KLF12: variants seen among roughly 807,000 people sequenced by gnomAD.
The protein encoded by KLF12 is Krueppel-like factor 12.
A neutral mutation model predicts 37.8 loss-of-function variants in KLF12; 9 were observed. That is an observed-to-expected ratio of 0.24 (90% CI 0.14 to 0.42). The LOEUF (loss-of-function observed/expected upper bound fraction) is 0.42, where lower values mean the gene tolerates loss of function less well. Among genes scored for constraint, KLF12 ranks in the 10% least tolerant of loss-of-function variants. KLF12 has a pLI of 1.00. For synonymous variants in KLF12, 208 were observed against 202.1 expected (o/e 1.03, Z -0.25); for missense variants, 411 against 516.0 (o/e 0.80, Z 1.97).
At chr13:74,248,955 A>G in the KLF12 span, among the ~76,000 whole-genome samples, 1 of 152,160 alleles carries the variant, frequency 6.6e-6, no homozygotes, top group African/African-American at 2.4e-5. Context: ...ATGGACAGTC[A>G]GTCTTGGGAG....
At chr13:74,247,173 T>G in the KLF12 span, among the ~76,000 whole-genome samples, 1 of 152,198 alleles carries the variant, frequency 6.6e-6, no homozygotes, top group East Asian at 1.9e-4. Flanking sequence ...ATATCTTGTT[T>G]CTTACATTGC....
At chr13:73,881,185 CA>C (rs1886962750) in intron 3 of KLF12, among the ~76,000 whole-genome samples, 2 of 151,876 alleles carry the variant, frequency 1.3e-5, no homozygotes, top group Admixed American at 1.3e-4. Context: ...ATATATAAAC[CA>C]TTATTTATAA....
chr13:73,774,301 C>CATATAT (rs1566358780), intron 5 of KLF12, among the ~76,000 whole-genome samples: 32 of 134,608 alleles, frequency 2.4e-4, no homozygotes, highest in African/African-American at 9.2e-4. Flanking sequence ...CACACACACA[C>CATATAT]ATCTATATAT....
At chr13:73,859,523 G>A (rs547728637) in intron 3 of KLF12, among the ~76,000 whole-genome samples, 3 of 152,242 alleles carry the variant, frequency 2.0e-5, no homozygotes, top group African/African-American at 7.2e-5. Flanking sequence ...AATACCAACT[G>A]AAGAGAATAT....
chr13:74,035,462 C>T (rs1893223093), intron 1 of KLF12, among the ~76,000 whole-genome samples: 2 of 152,080 alleles, frequency 1.3e-5, no homozygotes. Context: ...GAGCTGGCAT[C>T]CAAATAGGTG....
intron 1 of KLF12, among the ~76,000 whole-genome samples, chr13:74,126,735 CA>C (rs1877963529): frequency 6.6e-6 from 1 of 152,110 alleles, no homozygotes; most frequent in African/African-American, 2.4e-5. Flanking sequence ...GACAGCAACA[CA>C]AACAGCCCAA....
chr13:73,999,919 T>C (rs1275994558), intron 1 of KLF12, among the ~76,000 whole-genome samples: 1 of 152,166 alleles, frequency 6.6e-6, no homozygotes, highest in African/African-American at 2.4e-5. Context: ...TGTGATGCCA[T>C]CATGGAAAAG....
chr13:74,105,520 T>C (rs769392269), intron 1 of KLF12, among the ~76,000 whole-genome samples: 14 of 151,872 alleles, frequency 9.2e-5, no homozygotes, highest in African/African-American at 9.7e-5. Context: ...ACAACAACAA[T>C]AATAATAATA....
intron 5 of KLF12, among the ~76,000 whole-genome samples, chr13:73,803,335 C>A (rs545562650): frequency 6.6e-6 from 1 of 152,290 alleles, no homozygotes; most frequent in South Asian, 2.1e-4. Context: ...AGGGCCTCTG[C>A]ACTTGTTATT....
intron 3 of KLF12, among the ~76,000 whole-genome samples, chr13:73,907,578 T>C (rs753017914): frequency 3.3e-5 from 5 of 152,220 alleles, no homozygotes; most frequent in African/African-American, 4.8e-5. Context: ...AAGATCCTTA[T>C]AGGCCACCTA....
chr13:73,870,625 T>A (rs1032293957), intron 3 of KLF12, among the ~76,000 whole-genome samples: 14 of 152,230 alleles, frequency 9.2e-5, no homozygotes, highest in African/African-American at 3.4e-4. Context: ...CATTCAGCTT[T>A]ATGATATCCA....
chr13:74,198,649 AT>A, the KLF12 span, among the ~76,000 whole-genome samples: 4 of 152,122 alleles, frequency 2.6e-5, no homozygotes, highest in African/African-American at 9.7e-5. Context: ...TGTTTCTAGT[AT>A]TTTTTATTGT....
At chr13:73,782,794 G>C (rs1396628321) in intron 5 of KLF12, among the ~76,000 whole-genome samples, 1 of 152,222 alleles carries the variant, frequency 6.6e-6, no homozygotes, top group Non-Finnish European at 1.5e-5. Context: ...TTGTGTATCA[G>C]ATGAGTGGCT....
chr13:73,984,619 T>C (rs560085428), intron 2 of KLF12, among the ~76,000 whole-genome samples: 21 of 152,316 alleles, frequency 1.4e-4, no homozygotes, highest in Middle Eastern at 3.4e-3. Context: ...GCGCCAAATA[T>C]ATAGAAGCAA....
At chr13:73,916,196 A>G (rs1593720547) in intron 3 of KLF12, among the ~76,000 whole-genome samples, 1 of 147,858 alleles carries the variant, frequency 6.8e-6, no homozygotes, top group Admixed American at 6.8e-5. Context: ...AACTTGGGGA[A>G]GAGCTAATAC....
At chr13:73,711,347 T>C (rs186717247) in intron 7 of KLF12, among the ~76,000 whole-genome samples, 69 of 152,354 alleles carry the variant, frequency 4.5e-4, no homozygotes, top group Middle Eastern at 3.4e-3. Flanking sequence ...AAAGATGTCA[T>C]GTAGGACTTT....
At chr13:74,021,143 A>G (rs78396746) in intron 1 of KLF12, among the ~76,000 whole-genome samples, 12,329 of 152,234 alleles carry the variant, frequency 0.081, 599 homozygotes, top group Non-Finnish European at 0.11. Flanking sequence ...AAAAGAAAAG[A>G]AAAAAGCATT....
At chr13:73,917,547 A>T (rs543277551) in intron 3 of KLF12, among the ~76,000 whole-genome samples, 14 of 152,340 alleles carry the variant, frequency 9.2e-5, no homozygotes, top group African/African-American at 3.4e-4. Context: ...ACTATGTACC[A>T]AGTTGGACTC....
chr13:74,150,901 G>T, the KLF12 span, among the ~76,000 whole-genome samples: 1 of 152,144 alleles, frequency 6.6e-6, no homozygotes, highest in Non-Finnish European at 1.5e-5. Flanking sequence ...AACTAACTTT[G>T]GGTTTATTTC....
Sources: gnomAD v4.1 joint callset for allele counts (sites outside exome capture counted in the v4.1 genomes callset) on GRCh38, gnomAD v4.1.1 for gene constraint, MANE v1.5 for transcripts, NCBI Gene and HGNC (gene_info 2026-07-23, HGNC 2026-07-21) for gene names.